MAGI2: variants seen among roughly 807,000 people sequenced by gnomAD.
The protein encoded by MAGI2 is membrane-associated guanylate kinase, WW and PDZ domain-containing protein 2.
MAGI2 carries 35 observed loss-of-function variants against 133.3 expected under a neutral mutation model. The ratio of observed to expected loss-of-function variants is 0.26; its 90% confidence interval spans 0.20 to 0.35. The LOEUF is 0.35. Ranked by LOEUF, MAGI2 falls within the 10% of genes least tolerant of loss-of-function variation. The pLI, the probability that MAGI2 is intolerant of heterozygous loss-of-function variation, is 1.00. For missense variants in MAGI2, 1,636 were observed against 1,863.4 expected (o/e 0.88, Z 2.25); for synonymous variants, 729 against 710.6 (o/e 1.03, Z -0.41).
chr7:78,303,731 G>A, intron 9 of MAGI2, among the ~76,000 whole-genome samples: 1 of 152,240 alleles, frequency 6.6e-6, no homozygotes, highest in East Asian at 1.9e-4. Flanking sequence ...CTATGCAAAT[G>A]TTAGGGGTTT....
chr7:79,198,587 T>C (rs959521903), intron 1 of MAGI2, among the ~76,000 whole-genome samples: 12 of 151,838 alleles, frequency 7.9e-5, no homozygotes, highest in African/African-American at 1.5e-4. Context: ...TTATTATCTA[T>C]TGAATAAAAA....
chr7:78,741,892 C>G (rs1253672691), intron 2 of MAGI2, among the ~76,000 whole-genome samples: 1 of 151,984 alleles, frequency 6.6e-6, no homozygotes, highest in East Asian at 2.0e-4. Context: ...TGTTACTTGC[C>G]TTGTCAGTCA....
At chr7:78,945,388 T>C (rs538259950) in intron 2 of MAGI2, among the ~76,000 whole-genome samples, 2 of 152,304 alleles carry the variant, frequency 1.3e-5, no homozygotes, top group African/African-American at 4.8e-5. Flanking sequence ...GATAACATTG[T>C]ATGTTTTTTC....
intron 1 of MAGI2, among the ~76,000 whole-genome samples, chr7:79,070,244 A>G (rs1242074291): frequency 6.6e-6 from 1 of 152,006 alleles, no homozygotes; most frequent in Non-Finnish European, 1.5e-5. Flanking sequence ...AGGTACATCA[A>G]TCAAACGTAC....
intron 1 of MAGI2, among the ~76,000 whole-genome samples, chr7:79,324,588 A>G (rs112016643): frequency 0.021 from 303 of 14,204 alleles, 134 homozygotes; most frequent in African/African-American, 0.061. Context: ...CACCATATAT[A>G]TATAACAATA....
chr7:78,614,677 A>C (rs1221760742), intron 3 of MAGI2: 3 of 152,162 alleles, frequency 2.0e-5, no homozygotes, highest in Non-Finnish European at 4.4e-5. Context: ...TGTTGAGACA[A>C]TTTAGTCAAA....
rs975149374 is a variant in MAGI2, at chr7:78,699,412, T to C, written c.419-72173A>G. Among the ~76,000 whole-genome samples, 6 of 152,172 alleles carry C rather than the reference T, an allele frequency of 3.9e-5. No homozygotes were observed. The East Asian group carries it at 9.6e-4, about 24-fold the overall frequency. ...CACCACATCTGTCCACAAACTTTGTTTCATGCACAAAACTATTTAAAATAT... is the reference window on the plus strand; with the variant it reads ...CACCACATCTGTCCACAAACTTTGTCTCATGCACAAAACTATTTAAAATAT... On this transcript the variant is annotated intron_variant, in intron 2 of 21. Transcript: ENST00000354212.
chr7:79,135,806 T>C (rs912350380), intron 1 of MAGI2, among the ~76,000 whole-genome samples: 1 of 151,466 alleles, frequency 6.6e-6, no homozygotes, highest in African/African-American at 2.4e-5. Flanking sequence ...CTGGGTGTGG[T>C]GGCATACTCC....
intron 1 of MAGI2, among the ~76,000 whole-genome samples, chr7:79,352,579 C>T (rs1298258591): frequency 6.6e-6 from 1 of 152,216 alleles, no homozygotes; most frequent in African/African-American, 2.4e-5. Context: ...GTAAGCCCCA[C>T]TCACACTGGG....
intron 2 of MAGI2, among the ~76,000 whole-genome samples, chr7:78,936,811 T>C (rs985396990): frequency 1.3e-5 from 2 of 152,074 alleles, no homozygotes; most frequent in African/African-American, 4.8e-5. Context: ...AACTATGGTG[T>C]TGGATTGCAA....
At chr7:78,607,392 C>A (rs548399957) in intron 3 of MAGI2, among the ~76,000 whole-genome samples, 3 of 151,624 alleles carry the variant, frequency 2.0e-5, no homozygotes, top group Non-Finnish European at 4.4e-5. Context: ...GTCCAGTTTC[C>A]GCGGCTGGCA....
intron 1 of MAGI2, among the ~76,000 whole-genome samples, chr7:79,440,157 C>T (rs1171222077): frequency 6.6e-6 from 1 of 151,760 alleles, no homozygotes; most frequent in Non-Finnish European, 1.5e-5. Flanking sequence ...TTAGATATCA[C>T]AGCATTTCTT....
At chr7:78,614,649 AT>A (rs1318173834) in intron 3 of MAGI2, 3 of 152,190 alleles carry the variant, frequency 2.0e-5, no homozygotes, top group South Asian at 2.1e-4. Flanking sequence ...CATTTATAGA[AT>A]GCATTTCTGA....
intron 6 of MAGI2, among the ~76,000 whole-genome samples, chr7:78,453,258 C>A (rs1031917369): frequency 4.6e-5 from 7 of 152,126 alleles, no homozygotes; most frequent in South Asian, 2.1e-4. Context: ...AATGCAAATA[C>A]ACAGATGGAG....
intron 4 of MAGI2, among the ~76,000 whole-genome samples, chr7:78,521,161 T>A (rs1276177228): frequency 6.6e-6 from 1 of 151,552 alleles, no homozygotes; most frequent in Non-Finnish European, 1.5e-5. Flanking sequence ...AATAAAAAAT[T>A]AAAGTAGTTG....
At chr7:78,212,088 C>T (rs1320239179) in intron 10 of MAGI2, among the ~76,000 whole-genome samples, 5 of 152,194 alleles carry the variant, frequency 3.3e-5, no homozygotes, top group South Asian at 2.1e-4. Context: ...TTTACATTTA[C>T]GCAACTTAAC....
intron 2 of MAGI2, among the ~76,000 whole-genome samples, chr7:78,925,443 C>A (rs572059370): frequency 6.6e-6 from 1 of 152,136 alleles, no homozygotes; most frequent in South Asian, 2.1e-4. Context: ...ATTAGTCATT[C>A]TGAACTTTCC....
At chr7:78,120,957 C>T (rs1323012535) in intron 20 of MAGI2, among the ~76,000 whole-genome samples, 74 of 137,804 alleles carry the variant, frequency 5.4e-4, no homozygotes, top group Middle Eastern at 4.0e-3. Context: ...GCCGAGATCC[C>T]GCCACTGCAC....
intron 19 of MAGI2, 50 bp downstream of exon 19, chr7:78,127,147 T>G (rs1295650306): frequency 7.2e-7 from 1 of 1,383,878 alleles, no homozygotes; most frequent in Non-Finnish European, 9.8e-7. Context: ...TTCCTTGCAG[T>G]TCTCTGGAAG....
Sources: allele counts gnomAD v4.1 joint callset (sites outside exome capture counted in the v4.1 genomes callset), GRCh38; gene constraint gnomAD v4.1.1; transcripts MANE v1.5; gene names NCBI Gene and HGNC (gene_info 2026-07-23, HGNC 2026-07-21).